Variants in IDE observed in about 807,000 individuals in gnomAD.
IDE encodes the protein insulin degrading enzyme.
A neutral mutation model predicts 133.2 loss-of-function variants in IDE; 58 were observed. The observed-to-expected ratio is 0.44, with a 90% CI of 0.35 to 0.54. The LOEUF (loss-of-function observed/expected upper bound fraction) is 0.54, where lower values mean the gene tolerates loss of function less well. Among genes scored for constraint, IDE ranks in the 20% least tolerant of loss-of-function variants. The pLI, the probability that IDE is intolerant of heterozygous loss-of-function variation, is 0.00. For synonymous variants in IDE, 396 were observed against 421.3 expected (o/e 0.94, Z 0.73); for missense variants, 981 against 1,234.0 (o/e 0.79, Z 3.07).
At chr10:92,478,596 T>C (rs756918666) in intron 15 of IDE, 16 of 1,052,874 alleles carry the variant, frequency 1.5e-5, no homozygotes, top group Non-Finnish European at 1.9e-5. Context: ...AAGCTCAACA[T>C]AATGCTTAAA....
At chr10:92,529,905 G>A (rs1459690298) in intron 4 of IDE, among the ~76,000 whole-genome samples, 1 of 152,108 alleles carries the variant, frequency 6.6e-6, no homozygotes, top group East Asian at 1.9e-4. Context: ...CATTGTTTGT[G>A]TAAGTATCTA....
Position 92,508,847 on chromosome 10 carries a change from T to C in IDE, c.941A>G (p.Tyr314Cys), listed in dbSNP as rs1848439037. 6.2e-7 allele frequency: 1 copy of C among 1,613,048 alleles called. No individual in the cohort carries two copies. The highest frequency in any genetic ancestry group is 8.5e-7 in the Non-Finnish European group (1 of 1,178,964). The change falls in exon 7 of 25, where the codon TAT becomes TGT. Residue 314 changes from tyrosine (Y) to cysteine (C), a missense_variant. Tyr to Cys is a radical substitution (Grantham distance 194). This residue lies in a region of IDE where 660 missense variants were observed against 894.7 expected (regional missense o/e 0.74). Transcript: ENST00000265986. The part of the protein sequence containing the change: ...IVPIKDIRNL[Y>C]VTFPIPDLQK... ...AAGGTCAGGTATGGGAAATGTCACA[T>C]AGAGATTCCTAATATCTTTAATGGG...
At chr10:92,518,046 A>G (rs1316501510) in intron 4 of IDE, among the ~76,000 whole-genome samples, 2 of 151,992 alleles carry the variant, frequency 1.3e-5, no homozygotes, top group Non-Finnish European at 2.9e-5. Context: ...TCTTAGGTGC[A>G]TACCCATAGT....
chr10:92,524,494 ATATATTT>A (rs1849498632), intron 4 of IDE, among the ~76,000 whole-genome samples: 4 of 76,650 alleles, frequency 5.2e-5, no homozygotes, highest in South Asian at 3.1e-4. Flanking sequence ...TTATATTATA[ATATATTT>A]TATATAATAT....
chr10:92,556,796 C>T (rs552372579), intron 1 of IDE, among the ~76,000 whole-genome samples: 10 of 150,392 alleles, frequency 6.6e-5, no homozygotes, highest in East Asian at 5.9e-4. Flanking sequence ...CGGTGGTGGG[C>T]GCCTGTAATC....
chr10:92,529,988 G>A (rs994065337), intron 4 of IDE, among the ~76,000 whole-genome samples: 18 of 152,224 alleles, frequency 1.2e-4, no homozygotes, highest in African/African-American at 4.3e-4. Context: ...CACTTTGGAA[G>A]GCCGAGGCAG....
At chr10:92,558,065 T>C (rs1317185328) in intron 1 of IDE, among the ~76,000 whole-genome samples, 1 of 152,154 alleles carries the variant, frequency 6.6e-6, no homozygotes. Context: ...TACAACCTTT[T>C]TTTTGAGATA....
intron 1 of IDE, among the ~76,000 whole-genome samples, chr10:92,547,199 G>A (rs1433857265): frequency 6.6e-6 from 1 of 151,680 alleles, no homozygotes; most frequent in East Asian, 1.9e-4. Flanking sequence ...TCAGCCTCCT[G>A]CGCAGCTGGG....
At position 92,517,079 on chromosome 10, in the gene IDE, G is replaced by A. The variant is rs569624883; in HGVS notation, c.662-2037C>T. 1.7e-4 allele frequency among the ~76,000 whole-genome samples: 26 copies of A among 152,204 alleles called. 1 individual carries two copies. The highest frequency in any genetic ancestry group is 7.9e-4 in the Admixed American group (12 of 15,286). ...TTTCTTCTGCAGAGATAAAACTATG[G>A]TAGAGTATGTTCTTGAAGTGGTTTA... is the stretch of plus-strand genomic sequence containing the variant. On this transcript the variant is annotated intron_variant, in intron 4 of 24. Transcript: ENST00000265986.
At chr10:92,480,884 G>A (rs773039609) in intron 14 of IDE, 14 of 937,368 alleles carry the variant, frequency 1.5e-5, no homozygotes, top group Non-Finnish European at 1.8e-5. Context: ...GTGAGCTATC[G>A]CACCCAGCCA....
intron 2 of IDE, among the ~76,000 whole-genome samples, chr10:92,537,027 C>G (rs1842045556): frequency 6.7e-6 from 1 of 148,514 alleles, no homozygotes; most frequent in Non-Finnish European, 1.5e-5. Flanking sequence ...ACAGAGTAAA[C>G]TCTGTCTCAA....
At chr10:92,531,624 C>CTGTA in intron 4 of IDE, 124 bp downstream of exon 4, 1 of 355,796 alleles carries the variant, frequency 2.8e-6, no homozygotes, top group Non-Finnish European at 4.7e-6. Flanking sequence ...ATGCCATGAA[C>CTGTA]TGTATATGCC....
At chr10:92,540,900 G>A (rs1164942957) in intron 1 of IDE, among the ~76,000 whole-genome samples, 1 of 152,072 alleles carries the variant, frequency 6.6e-6, no homozygotes, top group African/African-American at 2.4e-5. Flanking sequence ...GTAAAACACA[G>A]AGTAGGATGT....
At chr10:92,549,911 T>G (rs1228208909) in intron 1 of IDE, among the ~76,000 whole-genome samples, 1 of 151,948 alleles carries the variant, frequency 6.6e-6, no homozygotes, top group Non-Finnish European at 1.5e-5. Context: ...AAGTTAAAAG[T>G]TCATCTCAAC....
chr10:92,479,229 A>G lies in IDE; in HGVS notation c.1884+48T>C. 5 of 1,416,968 alleles carry G rather than the reference A, an allele frequency of 3.5e-6. No homozygotes were observed. In the South Asian group the frequency reaches 7.0e-5, roughly 20 times the overall value. 87.8% of individuals were successfully genotyped at this position (1,416,968 alleles called of 1,614,324 possible). A position where few individuals can be genotyped will look rare whatever the true frequency, so the allele number is the denominator to read the frequency against. On this transcript the variant is annotated intron_variant, in intron 15 of 24. Coordinates refer to ENST00000265986, the MANE Select transcript of IDE (RefSeq NM_004969.4). Reference sequence around the variant, plus strand: ...ATCAAAAAATGCTTCCATCAAATCAATATAAAAAATGTTGATGAGTGGAAG... The same window carrying G: ...ATCAAAAAATGCTTCCATCAAATCAGTATAAAAAATGTTGATGAGTGGAAG...
rs774625174 is a variant in IDE at position 92,573,967 on chromosome 10, C to T, written c.53G>A (p.Arg18His). 1 of 1,488,500 alleles carries T rather than the reference C, an allele frequency of 6.7e-7. No individual in the cohort carries two copies. Among genetic ancestry groups the T allele is most frequent in the Non-Finnish European group, 8.9e-7 (1 of 1,123,668 alleles). 92.2% of individuals were successfully genotyped at this position (1,488,500 alleles called of 1,614,324 possible). ...LLHPALPSTF[R>H]SVLGARLPPP... Reference sequence around the variant, plus strand: ...CGGCAGGCGGGCGCCGAGGACTGAGCGGAAGGTGCTGGGCAGTGCGGGGTG... The same window carrying T: ...CGGCAGGCGGGCGCCGAGGACTGAGTGGAAGGTGCTGGGCAGTGCGGGGTG... Residue 18 changes from arginine to histidine, a missense_variant, in exon 1 of 25, where the codon CGC (arginine) becomes CAC (histidine). Arg to His is a conservative substitution (Grantham distance 29). Coordinates refer to ENST00000265986, the MANE Select transcript of IDE (RefSeq NM_004969.4).
At position 92,497,915 on chromosome 10, in the gene IDE, G is replaced by C. The variant is rs192168152; in HGVS notation, c.1430+6879C>G. Among the ~76,000 whole-genome samples, 561 of 152,308 alleles carry C rather than the reference G, an allele frequency of 3.7e-3. 15 individuals carry two copies. The highest frequency in any genetic ancestry group is 5.3e-4 in the Non-Finnish European group (36 of 68,026). On this transcript the variant is annotated intron_variant, in intron 11 of 24. Coordinates refer to ENST00000265986, the MANE Select transcript of IDE (RefSeq NM_004969.4). The stretch of plus-strand genomic sequence containing the variant: ...GCTCCAGCAAATGCACTCCTACGAA[G>C]TGTTGCTGGGTCAATTACTGGCTCT...
intron 12 of IDE, among the ~76,000 whole-genome samples, chr10:92,488,961 T>TGGCCAGGAGTAAAAAGCAACC (rs1847185996): frequency 9.2e-5 from 11 of 118,968 alleles, no homozygotes; most frequent in Non-Finnish European, 1.2e-4. Flanking sequence ...AAAAAGCAAC[T>TGGCCAGGAGTAAAAAGCAACC]GGCCAGGAGT....
At chr10:92,562,304 A>C (rs1843318833) in intron 1 of IDE, among the ~76,000 whole-genome samples, 1 of 152,226 alleles carries the variant, frequency 6.6e-6, no homozygotes, top group African/African-American at 2.4e-5. Context: ...GTGATATGTA[A>C]GCACAAGAAA....
Sources: allele counts gnomAD v4.1 joint callset (sites outside exome capture counted in the v4.1 genomes callset), GRCh38; gene constraint gnomAD v4.1.1; regional missense constraint gnomAD v4.1.1; transcripts MANE v1.5; gene names NCBI Gene and HGNC (gene_info 2026-07-23, HGNC 2026-07-21).